Variants in CSMD2 observed in about 807,000 individuals in gnomAD.
The protein encoded by CSMD2 is CUB and sushi domain-containing protein 2.
CSMD2 carries 130 observed loss-of-function variants against 398.5 expected under a neutral mutation model. The observed-to-expected ratio is 0.33, with a 90% CI of 0.28 to 0.38. The LOEUF is 0.38. Ranked by LOEUF, CSMD2 falls within the 10% of genes least tolerant of loss-of-function variation. The probability of loss-of-function intolerance (pLI) is 1.00; values close to 1 mark genes in which losing one functional copy is unlikely to be tolerated. For synonymous variants in CSMD2, 1,828 were observed against 1,908.5 expected (o/e 0.96, Z 1.10); for missense variants, 3,829 against 4,764.9 (o/e 0.80, Z 5.78).
At chr1:33,905,594 G>A (rs1643038843) in intron 5 of CSMD2, among the ~76,000 whole-genome samples, 1 of 152,232 alleles carries the variant, frequency 6.6e-6, no homozygotes, top group Non-Finnish European at 1.5e-5. Flanking sequence ...TTCCGTGGTA[G>A]CTGAGTGGGA....
chr1:33,986,598 T>C (rs939223789), intron 3 of CSMD2, among the ~76,000 whole-genome samples: 3 of 152,296 alleles, frequency 2.0e-5, no homozygotes, highest in East Asian at 1.9e-4. Context: ...CTCAGACTGT[T>C]CCCTAATCCC....
intron 2 of CSMD2, among the ~76,000 whole-genome samples, chr1:34,047,022 T>C (rs2148208794): frequency 6.6e-6 from 1 of 152,298 alleles, no homozygotes. Context: ...CAGCAGCTTC[T>C]GTGATCATCT....
In CSMD2 at chr1:33,665,528, T is replaced by C. The variant is rs147646511; in HGVS notation, c.4053-2436A>G. On this transcript the variant is annotated intron_variant, in intron 25 of 70. Coordinates refer to ENST00000373381, the MANE Select transcript of CSMD2 (RefSeq NM_001281956.2). ...GGTTGCCCAGGTTGGAGTTCAGTGGTGCAATCGTAACTCACTACAACCTCC... is the reference window on the plus strand; with the variant it reads ...GGTTGCCCAGGTTGGAGTTCAGTGGCGCAATCGTAACTCACTACAACCTCC... 1.1e-3 allele frequency among the ~76,000 whole-genome samples: 157 copies of C among 136,850 alleles called. 1 individual carries two copies. The highest frequency in any genetic ancestry group is 2.9e-3 in the African/African-American group (106 of 36,110). 89.8% of individuals were successfully genotyped at this position (136,850 alleles called of 152,430 possible). A position where few individuals can be genotyped will look rare whatever the true frequency, so the allele number is the denominator to read the frequency against.
chr1:33,624,528 A>G lies in CSMD2; in HGVS notation c.5616T>C (p.Ala1872=). ...GCCCCCTTGCCCCTACCTGGATGCC[A>G]GCGCCTTCGGGGACCACGATCTTCC... The part of the protein sequence containing the change: ...CVWKIVVPEG[A]GIQIQVVSFV... Residue 1872 remains alanine (A), a synonymous_variant, in exon 35 of 71, where the codon GCT becomes GCC. Transcript: ENST00000373381. The surrounding 1 kb of genome is among the most constrained non-coding windows in gnomAD (Gnocchi z 4.7). 6.2e-7 allele frequency: 1 copy of G among 1,613,722 alleles called. No homozygotes were observed.
intron 12 of CSMD2, among the ~76,000 whole-genome samples, chr1:33,774,272 T>G (rs1408177603): frequency 2.0e-5 from 3 of 151,960 alleles, no homozygotes; most frequent in Admixed American, 2.0e-4. Flanking sequence ...ACCTCACATG[T>G]CCCCCTGGCC....
chr1:33,697,878 A>G (rs1490889144), intron 24 of CSMD2, among the ~76,000 whole-genome samples: 1 of 152,184 alleles, frequency 6.6e-6, no homozygotes. Context: ...ATGTGCACCA[A>G]TTTTGGCATG....
At position 33,771,501 on chromosome 1, in the gene CSMD2, C is replaced by A. The variant is rs12038268; in HGVS notation, c.1846+1068G>T. On this transcript the variant is annotated intron_variant, in intron 13 of 70. Transcript: ENST00000373381. ...TCTTTAAACCTCTCAAGACTTTTTACATAAATAAACTCAAAAGTCATCAAA... is the reference window on the plus strand; with the variant it reads ...TCTTTAAACCTCTCAAGACTTTTTAAATAAATAAACTCAAAAGTCATCAAA... 3.3e-5 allele frequency among the ~76,000 whole-genome samples: 5 copies of A among 152,184 alleles called. No homozygotes were observed. The South Asian group carries it at 8.3e-4, about 25-fold the overall frequency.
At chr1:34,153,925 G>A (rs760350397) in intron 1 of CSMD2, among the ~76,000 whole-genome samples, 2 of 152,130 alleles carry the variant, frequency 1.3e-5, no homozygotes, top group African/African-American at 4.8e-5. Context: ...TCTGTCCAAC[G>A]AAAGCTGCCA....
chr1:33,871,349 T>C (rs765231527), intron 5 of CSMD2, among the ~76,000 whole-genome samples: 2 of 152,234 alleles, frequency 1.3e-5, no homozygotes, highest in Non-Finnish European at 2.9e-5. Flanking sequence ...TGTAGAAATC[T>C]GGACTTTGAG....
At chr1:33,610,902 C>T in intron 41 of CSMD2, 139 bp downstream of exon 41, 1 of 745,326 alleles carries the variant, frequency 1.3e-6, no homozygotes, top group Admixed American at 2.5e-5. Context: ...CAAAAGGAAG[C>T]TTCCCTGACT....
At position 33,602,388 on chromosome 1, in the gene CSMD2, C is replaced by T. The variant is rs746196226; in HGVS notation, c.6691G>A (p.Gly2231Arg). Reference sequence around the variant, plus strand: ...GCCTACCAGATGGTGATGAAATCTCCAGAGGGCTCTGTCTGCAGCAGGCTG... The same window carrying T: ...GCCTACCAGATGGTGATGAAATCTCTAGAGGGCTCTGTCTGCAGCAGGCTG... Reference protein sequence around the residue: ...NLSLLQTEPSGDFITIWDGPQ... With the variant: ...NLSLLQTEPSRDFITIWDGPQ... The change falls in exon 43 of 71, where the codon GGA becomes AGA. Residue 2231 changes from glycine (G) to arginine (R), a missense_variant. By Grantham distance (125) the Gly-to-Arg change is moderately radical. Coordinates refer to ENST00000373381, the MANE Select transcript of CSMD2 (RefSeq NM_001281956.2). The T allele has an allele frequency of 3.1e-6, 5 of 1,613,808 alleles. No homozygotes were observed. The South Asian group carries it at 5.5e-5, about 18-fold the overall frequency.
intron 25 of CSMD2, among the ~76,000 whole-genome samples, chr1:33,682,369 G>A (rs1031645025): frequency 6.6e-6 from 1 of 152,152 alleles, no homozygotes; most frequent in Non-Finnish European, 1.5e-5. Flanking sequence ...CAGGTTCCAC[G>A]CATTGGAACC....
chr1:33,877,379 C>G (rs576410139), intron 5 of CSMD2, among the ~76,000 whole-genome samples: 1 of 152,172 alleles, frequency 6.6e-6, no homozygotes, highest in Non-Finnish European at 1.5e-5. Flanking sequence ...GGACTTGTCC[C>G]CCTTGTCGCA....
intron 4 of CSMD2, among the ~76,000 whole-genome samples, chr1:33,923,460 C>A (rs1016028012): frequency 6.6e-6 from 1 of 152,098 alleles, no homozygotes; most frequent in East Asian, 1.9e-4. Context: ...CAATGCCATG[C>A]CTCCTGTACA....
intron 13 of CSMD2, among the ~76,000 whole-genome samples, chr1:33,771,538 GACA>G (rs1257476231): frequency 1.3e-5 from 2 of 151,498 alleles, no homozygotes; most frequent in African/African-American, 4.9e-5. Context: ...TGCTTTGTTG[GACA>G]ACGTGATTTT....
intron 60 of CSMD2, among the ~76,000 whole-genome samples, chr1:33,539,825 A>G (rs777429803): frequency 5.3e-5 from 8 of 152,210 alleles, no homozygotes; most frequent in Admixed American, 1.3e-4. Flanking sequence ...TCCAGTTTTG[A>G]GCTGCTGGCC....
intron 51 of CSMD2, among the ~76,000 whole-genome samples, chr1:33,570,853 C>T (rs549104403): frequency 5.9e-5 from 9 of 152,232 alleles, no homozygotes; most frequent in African/African-American, 2.2e-4. Context: ...ATCCAGAGCT[C>T]CCTGGGGGGT....
At chr1:33,722,824 G>A (rs1646401749) in intron 19 of CSMD2, among the ~76,000 whole-genome samples, 2 of 151,658 alleles carry the variant, frequency 1.3e-5, no homozygotes, top group South Asian at 4.2e-4. Flanking sequence ...ACTCTTTAAA[G>A]TACGTGCCCA....
At chr1:34,101,233 T>C (rs1402443356) in intron 1 of CSMD2, among the ~76,000 whole-genome samples, 2 of 152,250 alleles carry the variant, frequency 1.3e-5, no homozygotes, top group East Asian at 3.8e-4. Flanking sequence ...CATTTCTCTC[T>C]AGCCAGGATG....
Sources: gnomAD v4.1 joint callset for allele counts (sites outside exome capture counted in the v4.1 genomes callset) on GRCh38, gnomAD v4.1.1 for gene constraint, Gnocchi (gnomAD v3.1) non-coding constraint, MANE v1.5 for transcripts, NCBI Gene and HGNC (gene_info 2026-07-23, HGNC 2026-07-21) for gene names.